The following ACTA2 variants were observed in gnomAD, a reference collection of about 807,000 sequenced individuals.
ACTA2 encodes actin, aortic smooth muscle.
ACTA2 carries 12 observed loss-of-function variants against 39.5 expected under a neutral mutation model. The observed-to-expected ratio is 0.30, with a 90% CI of 0.19 to 0.49. ACTA2 has a LOEUF of 0.49. Among genes scored for constraint, ACTA2 ranks in the 20% least tolerant of loss-of-function variants. The pLI, the probability that ACTA2 is intolerant of heterozygous loss-of-function variation, is 0.99. For missense variants in ACTA2, 236 were observed against 498.8 expected (o/e 0.47, Z 5.02); for synonymous variants, 158 against 180.6 (o/e 0.88, Z 1.00).
At chr10:88,968,725 G>A (rs1262692053) in intron 1 of ACTA2, among the ~76,000 whole-genome samples, 2 of 152,128 alleles carry the variant, frequency 1.3e-5, no homozygotes, top group African/African-American at 4.8e-5. Flanking sequence ...TGGCTGGCCT[G>A]GAATGAGGCT....
chr10:88,978,254 TG>T (rs1306676422), intron 1 of ACTA2, among the ~76,000 whole-genome samples: 1 of 92,230 alleles, frequency 1.1e-5, no homozygotes. Flanking sequence ...TGTTGTGGGG[TG>T]GGGGGAGGGG....
Position 88,943,992 on chromosome 10 carries a change from T to C in ACTA2, c.259-85A>G, listed in dbSNP as rs141106753. ...TCCCAAAAAGGGACCAGAAGCTACTTGAAACCAAGACCAAAGGAAATGCTA... is the reference window on the plus strand; with the variant it reads ...TCCCAAAAAGGGACCAGAAGCTACTCGAAACCAAGACCAAAGGAAATGCTA... On this transcript the variant is annotated intron_variant, in intron 3 of 8. Transcript: ENST00000224784. The C allele has an allele frequency of 1.1e-4, 134 of 1,216,484 alleles. No homozygotes were observed. The East Asian group carries it at 3.1e-3, about 28-fold the overall frequency. 75.4% of individuals were successfully genotyped at this position (1,216,484 alleles called of 1,614,324 possible).
At chr10:88,979,576 C>T (rs1846658738) in intron 1 of ACTA2, among the ~76,000 whole-genome samples, 1 of 152,034 alleles carries the variant, frequency 6.6e-6, no homozygotes, top group South Asian at 2.1e-4. Flanking sequence ...GGGCTGTTCT[C>T]TCTCACTCTC....
At chr10:88,936,508 C>T (rs1243296607) in intron 8 of ACTA2, among the ~76,000 whole-genome samples, 1 of 152,078 alleles carries the variant, frequency 6.6e-6, no homozygotes, top group Admixed American at 6.5e-5. Context: ...GATAAGTGAG[C>T]TCTTCTTCCG....
chr10:88,939,635 T>C lies in ACTA2; in HGVS notation c.680A>G (p.Asn227Ser). 1 of 1,614,090 alleles carries C rather than the reference T, an allele frequency of 6.2e-7. No homozygotes were observed. Residue 227 changes from asparagine to serine, a missense_variant, in exon 7 of 9, where the codon AAT becomes AGT. By Grantham distance (46) the Asn-to-Ser change is conservative (BLOSUM62 1). Transcript: ENST00000224784. The part of the protein sequence containing the change: ...KLCYVALDFE[N>S]EMATAASSSS... ...TGAGGATGCGGCAGTGGCCATCTCATTTTCAAAGTCCAGAGCTACATAACA... is the reference window on the plus strand; with the variant it reads ...TGAGGATGCGGCAGTGGCCATCTCACTTTCAAAGTCCAGAGCTACATAACA...
intron 8 of ACTA2, among the ~76,000 whole-genome samples, chr10:88,936,713 G>T (rs1048984843): frequency 2.0e-5 from 3 of 152,160 alleles, no homozygotes; most frequent in African/African-American, 7.2e-5. Flanking sequence ...CTGCTGAACT[G>T]TGAGCCAGTT....
At chr10:88,952,623 T>C (rs144031515) in intron 1 of ACTA2, 108 bp downstream of exon 1, 86 of 152,354 alleles carry the variant, frequency 5.6e-4, no homozygotes, top group African/African-American at 1.9e-3. Flanking sequence ...TTCAGAAATA[T>C]CAGTGCATGA....
intron 1 of ACTA2, among the ~76,000 whole-genome samples, chr10:88,980,801 C>T (rs1461249383): frequency 6.6e-6 from 1 of 152,130 alleles, no homozygotes; most frequent in Non-Finnish European, 1.5e-5. Context: ...TGAGGTAGCT[C>T]AATTCCAAAT....
intron 1 of ACTA2, among the ~76,000 whole-genome samples, chr10:88,981,834 C>T (rs576992875): frequency 6.6e-5 from 10 of 152,098 alleles, no homozygotes; most frequent in East Asian, 5.8e-4. Context: ...TGAGGCAAAC[C>T]GTCCCATTCA....
At chr10:88,968,058 G>T (rs775342978) in intron 1 of ACTA2, among the ~76,000 whole-genome samples, 1 of 151,836 alleles carries the variant, frequency 6.6e-6, no homozygotes, top group Non-Finnish European at 1.5e-5. Context: ...GTGACCTTAA[G>T]GTGTGTTGTC....
At chr10:88,985,726 C>T (rs887057024) in intron 1 of ACTA2, among the ~76,000 whole-genome samples, 3 of 152,330 alleles carry the variant, frequency 2.0e-5, no homozygotes, top group Non-Finnish European at 4.4e-5. Flanking sequence ...TCTGATGTCT[C>T]TTGTTCCTTC....
chr10:88,972,762 G>A (rs953571751), intron 1 of ACTA2, among the ~76,000 whole-genome samples: 6 of 152,098 alleles, frequency 3.9e-5, no homozygotes, highest in Non-Finnish European at 8.8e-5. Context: ...TCATACAATG[G>A]TATGATTTTT....
intron 6 of ACTA2, 35 bp downstream of exon 6, chr10:88,941,194 G>T (rs201017430): frequency 1.4e-5 from 23 of 1,612,538 alleles, no homozygotes; most frequent in Non-Finnish European, 1.9e-5. Context: ...GCAACACACT[G>T]CTCCCCTCTC....
At chr10:88,989,422 T>C (rs778831876) in intron 1 of ACTA2, 10 of 515,070 alleles carry the variant, frequency 1.9e-5, no homozygotes, top group Non-Finnish European at 3.1e-5. Context: ...ATACAGAGAA[T>C]GCCCATATAC....
chr10:88,986,505 C>T (rs900125868), intron 1 of ACTA2, among the ~76,000 whole-genome samples: 7 of 152,118 alleles, frequency 4.6e-5, no homozygotes, highest in Non-Finnish European at 4.4e-5. Context: ...TACCAGTTTT[C>T]ATAGTGGGAA....
intron 1 of ACTA2, among the ~76,000 whole-genome samples, chr10:88,983,609 CAAAAAAAAAAAAAA>C (rs71022549): frequency 1.1e-4 from 5 of 46,456 alleles, no homozygotes; most frequent in East Asian, 8.3e-4. Context: ...ACAGGTTATG[CAAAAAAAAAAAAAA>C]AAAAAAAAAA....
intron 1 of ACTA2, among the ~76,000 whole-genome samples, chr10:88,975,380 C>T (rs1191488106): frequency 1.3e-5 from 2 of 152,182 alleles, no homozygotes; most frequent in Non-Finnish European, 2.9e-5. Context: ...GACAATAGTA[C>T]TGTCATACTT....
intron 3 of ACTA2, chr10:88,946,761 A>G (rs1205226615): frequency 2.7e-5 from 4 of 150,164 alleles, no homozygotes; most frequent in East Asian, 1.9e-4. Context: ...TTATTATTAT[A>G]CTTTAAGTTT....
At chr10:88,954,181 A>G (rs1589404334), upstream of ACTA2, among the ~76,000 whole-genome samples, 1 of 152,194 alleles carries the variant, frequency 6.6e-6, no homozygotes, top group Non-Finnish European at 1.5e-5. Flanking sequence ...TTTTACAGCC[A>G]TGACCAGCTG....
Sources: gnomAD v4.1 joint callset for allele counts (sites outside exome capture counted in the v4.1 genomes callset) on GRCh38, gnomAD v4.1.1 for gene constraint, MANE v1.5 for transcripts, NCBI Gene and HGNC (gene_info 2026-07-23, HGNC 2026-07-21) for gene names.